The following IFI44 variants were observed in gnomAD, a reference collection of about 807,000 sequenced individuals.
The protein encoded by IFI44 is interferon induced protein 44, also known as interferon-induced protein 44.
A neutral mutation model predicts 45.0 loss-of-function variants in IFI44; 42 were observed. The observed-to-expected ratio is 0.93, with a 90% confidence interval of 0.73 to 1.21. The LOEUF is 1.21. Ranked by LOEUF, IFI44 falls within the 50% of genes most tolerant of loss-of-function variation. The pLI is 0.00. For missense variants in IFI44, 623 were observed against 525.8 expected, an observed-to-expected ratio of 1.18 and a Z score of -1.81; for synonymous variants, 221 against 188.6, an observed-to-expected ratio of 1.17 and a Z score of -1.41.
rs374012034 is a variant in IFI44 at position 78,658,165 on chromosome 1, A to G, written c.841-1147A>G. Reference sequence around the variant, plus strand: ...GTTTTTACTTACTCTCTTTTCTATCACTCGTATATCTGCTTTCACCCAAAC... The same window carrying G: ...GTTTTTACTTACTCTCTTTTCTATCGCTCGTATATCTGCTTTCACCCAAAC... On this transcript the variant is annotated intron_variant, in intron 5 of 8. Transcript: ENST00000370747. 5.3e-5 allele frequency among the ~76,000 whole-genome samples: 8 copies of G among 152,038 alleles called. No individual in the cohort carries two copies. The East Asian group carries it at 1.5e-3, about 29-fold the overall frequency.
chr1:78,654,973 C>G (rs1387406397), intron 3 of IFI44, 41 bp from the exon 4 acceptor site: 1 of 1,419,148 alleles, frequency 7.0e-7, no homozygotes, highest in Non-Finnish European at 9.4e-7. Context: ...GTTTTGCGAC[C>G]TAACCTCAGT....
chr1:78,654,908 G>T, intron 3 of IFI44, 106 bp from the exon 4 acceptor site: 9 of 869,416 alleles, frequency 1.0e-5, no homozygotes, highest in Non-Finnish European at 1.5e-5. Context: ...AAGTCAAGTT[G>T]CTAATCAAAA....
chr1:78,658,086 A>C (rs1434233342), intron 5 of IFI44, among the ~76,000 whole-genome samples: 3 of 152,082 alleles, frequency 2.0e-5, no homozygotes, highest in Non-Finnish European at 4.4e-5. Context: ...TTAATGAAAA[A>C]AAATAAATTA....
chr1:78,662,963 CTCTG>C (rs1647554575), intron 8 of IFI44, 85 bp downstream of exon 8: 1 of 1,607,040 alleles, frequency 6.2e-7, no homozygotes, highest in Non-Finnish European at 8.5e-7. Context: ...CCTGGCAGCT[CTCTG>C]TCTTTTTGTG....
intron 2 of IFI44, among the ~76,000 whole-genome samples, chr1:78,651,572 C>T (rs1415918362): frequency 1.3e-5 from 2 of 152,254 alleles, no homozygotes; most frequent in African/African-American, 2.4e-5. Context: ...GCTCCGTGGT[C>T]CCGGGAGTTG....
intron 2 of IFI44, among the ~76,000 whole-genome samples, chr1:78,653,147 A>G (rs1336385026): frequency 6.6e-6 from 1 of 152,008 alleles, no homozygotes; most frequent in Non-Finnish European, 1.5e-5. Context: ...TTTATATTTT[A>G]TAATTTCTCT....
intron 5 of IFI44, among the ~76,000 whole-genome samples, chr1:78,656,843 A>G (rs1199398364): frequency 6.6e-6 from 1 of 151,136 alleles, no homozygotes; most frequent in Non-Finnish European, 1.5e-5. Context: ...GTATAGAGTT[A>G]TCTTGTAAAT....
chr1:78,661,457 G>T (rs1647447968), intron 7 of IFI44, among the ~76,000 whole-genome samples: 3 of 152,054 alleles, frequency 2.0e-5, no homozygotes, highest in Non-Finnish European at 1.5e-5. Flanking sequence ...ACTGACATGG[G>T]TAAGTTCATT....
Position 78,650,611 on chromosome 1 carries a change from G to T in IFI44, c.416G>T (p.Cys139Phe). ...TMENLGLAQN[C>F]TISIQDYEVF... ...GAAAATCTTGGACTTGCTCAAAATT[G>T]TACTATCTCTATTCAGGATTATGAA... The change falls in exon 2 of 9, where the codon TGT becomes TTT. Residue 139 changes from cysteine to phenylalanine, a missense_variant. Physicochemically the swap from Cys to Phe is radical, Grantham distance 205. Transcript: ENST00000370747. The T allele has an allele frequency of 3.1e-6, 5 of 1,608,268 alleles. No individual in the cohort carries two copies. The highest frequency in any genetic ancestry group is 4.2e-6 in the Non-Finnish European group (5 of 1,177,786).
chr1:78,651,674 G>A lies in IFI44; in HGVS notation c.457+1022G>A, dbSNP rs368534519. Among the ~76,000 whole-genome samples the A allele has an allele frequency of 5.9e-5, 9 of 152,220 alleles. 1 individual carries two copies. Among genetic ancestry groups the A allele is most frequent in the African/African-American group, 2.2e-4 (9 of 41,538 alleles). On this transcript the variant is annotated intron_variant, in intron 2 of 8. Coordinates refer to ENST00000370747, the MANE Select transcript of IFI44 (RefSeq NM_006417.5). ...TTATCTTGCATAAGTAAAACTTTAT[G>A]CCCTTTGACAAATGTATCCTCCTTT...
chr1:78,650,526 C>A lies in IFI44; in HGVS notation c.331C>A (p.Pro111Thr). The A allele has an allele frequency of 6.2e-7, 1 of 1,613,470 alleles. No individual in the cohort carries two copies. Among genetic ancestry groups the A allele is most frequent in the African/African-American group, 1.3e-5 (1 of 75,018 alleles). Residue 111 changes from proline to threonine, a missense_variant, in exon 2 of 9, where the codon CCA (proline) becomes ACA (threonine). Physicochemically the swap from Pro to Thr is conservative, Grantham distance 38. Coordinates refer to ENST00000370747, the MANE Select transcript of IFI44 (RefSeq NM_006417.5). ...FCCDVTKYNS[P>T]TNFQIDGRNR... is the part of the protein sequence containing the mutation. ...TTGTGATGTTACAAAATATAACTCC[C>A]CAACTAATTTCCAGATAGATGGAAG...
rs1377121410 is a variant in IFI44 at position 78,650,315 on chromosome 1, G to A, written c.120G>A (p.Leu40=). 3 of 1,613,920 alleles carry A rather than the reference G, an allele frequency of 1.9e-6. No individual in the cohort carries two copies. The African/African-American group carries it at 4.0e-5, about 22-fold the overall frequency. Reference sequence around the variant, plus strand: ...TCCATGGATTCCGTAATGGAGTTTTGCTTGACAGATGTTGTAATCAAGGGC... The same window carrying A: ...TCCATGGATTCCGTAATGGAGTTTTACTTGACAGATGTTGTAATCAAGGGC... ...GSVHGFRNGV[L]LDRCCNQGPT... The change falls in exon 2 of 9, where the codon TTG becomes TTA. Residue 40 remains leucine (L), a synonymous_variant. Transcript: ENST00000370747.
At position 78,659,397 on chromosome 1, in the gene IFI44, T is replaced by G; in HGVS notation, c.926T>G (p.Phe309Cys). 1 of 1,611,806 alleles carries G rather than the reference T, an allele frequency of 6.2e-7. No homozygotes were observed. ...SLKDRIHCVA[F>C]VFDASSIQYF... ...AAGGACAGAATTCATTGTGTGGCAT[T>G]TGTATTTGATGCCAGCTCTATTCAA... is the stretch of plus-strand genomic sequence containing the variant. Residue 309 changes from phenylalanine (F) to cysteine (C), a missense_variant, in exon 6 of 9, where the codon TTT becomes TGT. Coordinates refer to ENST00000370747, the MANE Select transcript of IFI44 (RefSeq NM_006417.5).
At chr1:78,653,928 T>C (rs1647163331) in intron 2 of IFI44, among the ~76,000 whole-genome samples, 1 of 152,206 alleles carries the variant, frequency 6.6e-6, no homozygotes, top group Non-Finnish European at 1.5e-5. Context: ...TTCTTTTATT[T>C]AGAAAACACC....
intron 1 of IFI44, 130 bp from the exon 2 acceptor site, chr1:78,650,056 T>G: frequency 2.0e-6 from 1 of 499,534 alleles, no homozygotes; most frequent in Non-Finnish European, 3.3e-6. Context: ...TTTTTTTGCT[T>G]TCTGTTCATC....
Position 78,655,210 on chromosome 1 carries a change from G to A in IFI44, c.690+1G>A. ...TAATACAACTGGGATATCTGAGAAG[G>A]TAAGCACATTTGAGGCCACCTAGCC... On this transcript the variant is annotated splice_donor_variant, in intron 4 of 8. Coordinates refer to ENST00000370747, the MANE Select transcript of IFI44 (RefSeq NM_006417.5). LOFTEE classifies it high-confidence loss of function. 4 of 1,612,172 alleles carry A rather than the reference G, an allele frequency of 2.5e-6. No homozygotes were observed. Among genetic ancestry groups the A allele is most frequent in the Non-Finnish European group, 3.4e-6 (4 of 1,178,934 alleles).
chr1:78,655,588 T>G, intron 5 of IFI44, 77 bp downstream of exon 5: 1 of 1,267,728 alleles, frequency 7.9e-7, no homozygotes, highest in Non-Finnish European at 1.1e-6. Context: ...GCGTTTATCT[T>G]CTTAAATTAT....
chr1:78,663,630 C>A, intron 8 of IFI44, 135 bp from the exon 9 acceptor site: 2 of 1,399,416 alleles, frequency 1.4e-6, no homozygotes, highest in Non-Finnish European at 9.3e-7. Context: ...GTTTCCCCAT[C>A]CCTTCTCTTC....
chr1:78,653,992 A>T (rs1211314675), intron 2 of IFI44, among the ~76,000 whole-genome samples: 2 of 152,198 alleles, frequency 1.3e-5, no homozygotes, highest in Non-Finnish European at 2.9e-5. Flanking sequence ...TGAGTAATTG[A>T]ATGAGAAGAG....
Sources: allele counts gnomAD v4.1 joint callset (sites outside exome capture counted in the v4.1 genomes callset), GRCh38; gene constraint gnomAD v4.1.1; transcripts MANE v1.5; gene names NCBI Gene and HGNC (gene_info 2026-07-23, HGNC 2026-07-21).